The following SEMA3F variants were observed in gnomAD, a reference collection of about 807,000 sequenced individuals.
The protein encoded by SEMA3F is semaphorin 3F.
In SEMA3F, 30 loss-of-function variants were observed where a neutral mutation model predicts 98.5. The ratio of observed to expected loss-of-function variants is 0.30; its 90% CI spans 0.23 to 0.41. SEMA3F has a LOEUF of 0.41. Among genes scored for constraint, SEMA3F ranks in the 10% least tolerant of loss-of-function variants. SEMA3F has a pLI of 1.00. For synonymous variants in SEMA3F, 380 were observed against 444.8 expected (o/e 0.85, Z 1.83); for missense variants, 866 against 1,119.3 (o/e 0.77, Z 3.23).
rs565256754 is a variant in SEMA3F at position 50,159,703 on chromosome 3, G to A, written c.81G>A (p.Pro27=). ...CCTTCCCCACCCAGGACCACCTCCC[G>A]GCCACGCCCCGGGTCCGGCTCTCAT... is the stretch of plus-strand genomic sequence containing the variant. ...WPSFPTQDHL[P]ATPRVRLSFK... The change falls in exon 2 of 19, where the codon CCG becomes CCA. Residue 27 remains proline (P), a synonymous_variant. Transcript: ENST00000002829. 4 of 1,612,466 alleles carry A rather than the reference G, an allele frequency of 2.5e-6. No individual in the cohort carries two copies. The South Asian group carries it at 3.3e-5, about 13-fold the overall frequency.
Position 50,187,770 on chromosome 3 carries a change from C to T in SEMA3F, c.2013C>T (p.Ser671=), listed in dbSNP as rs373344301. The change falls in exon 19 of 19, where the codon AGC becomes AGT. Residue 671 remains serine (S), a synonymous_variant. Coordinates refer to ENST00000002829, the MANE Select transcript of SEMA3F (RefSeq NM_004186.5). The stretch of plus-strand genomic sequence containing the variant: ...TGTTGCTCCGTGCACTGCAGCTCAG[C>T]GATCGTGGCCTCTACTCCTGCACAG... ...QGLLLRALQL[S]DRGLYSCTAT... is the part of the protein sequence containing the mutation. 6.1e-5 allele frequency: 98 copies of T among 1,613,026 alleles called. No homozygotes were observed. The highest frequency in any genetic ancestry group is 8.0e-5 in the Non-Finnish European group (94 of 1,179,834).
At chr3:50,173,698 G>A in intron 2 of SEMA3F, 95 bp from the exon 3 acceptor site, 1 of 1,072,790 alleles carries the variant, frequency 9.3e-7, no homozygotes, top group Non-Finnish European at 1.4e-6. Flanking sequence ...GGGTCCTGAG[G>A]GGAACCTCAG....
chr3:50,159,582 G>C lies in SEMA3F; in HGVS notation c.-41G>C, dbSNP rs1320600924. ...CTTGGTTCCCCTTCCCAGGTTTCTAGAGAGTGGAGCCTGCTTCCTGGGCCC... is the reference window on the plus strand; with the variant it reads ...CTTGGTTCCCCTTCCCAGGTTTCTACAGAGTGGAGCCTGCTTCCTGGGCCC... On this transcript the variant is annotated 5_prime_UTR_variant, in exon 2 of 19. Coordinates refer to ENST00000002829, the MANE Select transcript of SEMA3F (RefSeq NM_004186.5). 7.9e-7 allele frequency: 1 copy of C among 1,265,934 alleles called. No homozygotes were observed. Among genetic ancestry groups the C allele is most frequent in the Admixed American group, 2.1e-5 (1 of 47,704 alleles). The allele number at this position is 1,265,934 out of a possible 1,614,324, so 78.4% of individuals were successfully genotyped here.
chr3:50,175,124 TCAGAGGCCGCGGCAG>T lies in SEMA3F; in HGVS notation c.491_505del (p.Gly164_Arg168del). On this transcript the variant is annotated inframe_deletion, in exon 6 of 19. Transcript: ENST00000002829. Reference sequence around the variant, plus strand: ...ACACCATGGACCCAGACTCAGGCGGTCAGAGGCCGCGGCAGCAGAGCCACGGATGGTGCCCTCCGC... The same window carrying T: ...ACACCATGGACCCAGACTCAGGCGGTCAGAGCCACGGATGGTGCCCTCCGC... 1 of 1,608,736 alleles carries T rather than the reference TCAGAGGCCGCGGCAG, an allele frequency of 6.2e-7. No individual in the cohort carries two copies. The highest frequency in any genetic ancestry group is 8.5e-7 in the Non-Finnish European group (1 of 1,177,940).
chr3:50,183,082 C>A, intron 10 of SEMA3F, 64 bp downstream of exon 10: 3 of 1,569,096 alleles, frequency 1.9e-6, no homozygotes, highest in Non-Finnish European at 2.6e-6. Flanking sequence ...GCGGGATGGG[C>A]GATCAGGGTG....
rs200882622 is a variant in SEMA3F at position 50,186,026 on chromosome 3, C to T, written c.1725C>T (p.Arg575=). The T allele has an allele frequency of 2.5e-6, 4 of 1,613,022 alleles. No individual in the cohort carries two copies. The highest frequency in any genetic ancestry group is 1.3e-5 in the African/African-American group (1 of 74,924). Residue 575 remains arginine, a synonymous_variant, in exon 16 of 19, where the codon CGC becomes CGT. Coordinates refer to ENST00000002829, the MANE Select transcript of SEMA3F (RefSeq NM_004186.5). ...CCTGGGATGGCCAGGCCTGCTCCCGCTATACAGCATCCTCCAAGAGGTGTG... is the reference window on the plus strand; with the variant it reads ...CCTGGGATGGCCAGGCCTGCTCCCGTTATACAGCATCCTCCAAGAGGTGTG... ...YCAWDGQACS[R]YTASSKRRSR...
At position 50,186,365 on chromosome 3, in the gene SEMA3F, T is replaced by A. The variant is rs1699213331; in HGVS notation, c.1813+17T>A. The A allele has an allele frequency of 1.2e-6, 2 of 1,611,384 alleles. No homozygotes were observed. Among genetic ancestry groups the A allele is most frequent in the Non-Finnish European group, 1.7e-6 (2 of 1,178,380 alleles). ...ACTCCAATGGTGAGTATGCTGGGCCTCACTGTGGGGTGCTGCTCACACTGC... is the reference window on the plus strand; with the variant it reads ...ACTCCAATGGTGAGTATGCTGGGCCACACTGTGGGGTGCTGCTCACACTGC... On this transcript the variant is annotated intron_variant, in intron 17 of 18. Transcript: ENST00000002829.
intron 18 of SEMA3F, among the ~76,000 whole-genome samples, chr3:50,187,462 C>T (rs1156809891): frequency 6.7e-6 from 1 of 148,304 alleles, no homozygotes; most frequent in African/African-American, 2.5e-5. Flanking sequence ...TCTGTGTGTG[C>T]TTCAAATTTT....
chr3:50,172,934 C>G (rs1024463539), intron 2 of SEMA3F, among the ~76,000 whole-genome samples: 7 of 152,194 alleles, frequency 4.6e-5, no homozygotes, highest in Admixed American at 6.5e-5. Context: ...CTGGCCCCAC[C>G]CTGAGCGTGG....
rs1465451831 is a variant in SEMA3F, at chr3:50,182,014, C to T, written c.644-270C>T. Among the ~76,000 whole-genome samples the T allele has an allele frequency of 1.3e-5, 2 of 152,218 alleles. No homozygotes were observed. Among genetic ancestry groups the T allele is most frequent in the African/African-American group, 4.8e-5 (2 of 41,458 alleles). On this transcript the variant is annotated intron_variant, in intron 7 of 18. Transcript: ENST00000002829. This position sits in a 1 kb window ranked among gnomAD's most constrained non-coding sequence, Gnocchi z 4.5. ...TGGCAGCTCTTCCTGATTTTGCTTT[C>T]AGTGACCTCAGGTTGGTAGCTTGAA...
At chr3:50,163,428 G>A (rs923696609) in intron 2 of SEMA3F, among the ~76,000 whole-genome samples, 5 of 152,256 alleles carry the variant, frequency 3.3e-5, no homozygotes, top group African/African-American at 9.6e-5. Context: ...CCTGGAGTTT[G>A]AGCCCTCCAG....
Position 50,175,176 on chromosome 3 carries a change from A to G in SEMA3F, c.537A>G (p.Thr179=). 1 of 1,597,916 alleles carries G rather than the reference A, an allele frequency of 6.3e-7. No individual in the cohort carries two copies. Among genetic ancestry groups the G allele is most frequent in the South Asian group, 1.1e-5 (1 of 88,780 alleles). The change falls in exon 6 of 19, where the codon ACA becomes ACG. Residue 179 remains threonine, a synonymous_variant. Transcript: ENST00000002829. ...ATGGTGCCCTCCGCCCGATGCCCAC[A>G]GCCCCACGCCAGGTGGGCCTCATCC... ...ATDGALRPMP[T]APRQDYIFYL...
intron 7 of SEMA3F, among the ~76,000 whole-genome samples, chr3:50,181,795 AT>A (rs998455455): frequency 2.4e-4 from 37 of 151,254 alleles, no homozygotes; most frequent in Non-Finnish European, 8.8e-5. Context: ...AAATTTCTGT[AT>A]TTTAGTATAG....
Position 50,155,511 on chromosome 3 carries a change from C to G in SEMA3F, c.-102C>G, listed in dbSNP as rs1459219906. The G allele has an allele frequency of 6.2e-6, 2 of 321,982 alleles. No individual in the cohort carries two copies. Among genetic ancestry groups the G allele is most frequent in the Non-Finnish European group, 1.1e-5 (2 of 177,078 alleles). The allele number at this position is 321,982 out of a possible 1,614,324, so 19.9% of individuals were successfully genotyped here. On this transcript the variant is annotated 5_prime_UTR_variant, in exon 1 of 19. Coordinates refer to ENST00000002829, the MANE Select transcript of SEMA3F (RefSeq NM_004186.5). This position sits in a 1 kb window ranked among gnomAD's most constrained non-coding sequence, Gnocchi z 4.9. ...TAGCGCGGACCGGCCCAACGGGAGCCGCTCCGTGCCGCCGCCGCCGCCCGG... is the reference window on the plus strand; with the variant it reads ...TAGCGCGGACCGGCCCAACGGGAGCGGCTCCGTGCCGCCGCCGCCGCCCGG...
rs1699281627 is a variant in SEMA3F at position 50,187,812 on chromosome 3, T to C, written c.2055T>C (p.Phe685=). The C allele has an allele frequency of 6.2e-7, 1 of 1,613,478 alleles. No individual in the cohort carries two copies. The highest frequency in any genetic ancestry group is 1.3e-5 in the African/African-American group (1 of 74,934). Residue 685 remains phenylalanine, a synonymous_variant, in exon 19 of 19, where the codon TTT becomes TTC. Coordinates refer to ENST00000002829, the MANE Select transcript of SEMA3F (RefSeq NM_004186.5). ...CCTGCACAGCCACTGAGAACAACTTTAAGCACGTCGTCACACGAGTGCAGC... is the reference window on the plus strand; with the variant it reads ...CCTGCACAGCCACTGAGAACAACTTCAAGCACGTCGTCACACGAGTGCAGC... ...LYSCTATENN[F]KHVVTRVQLH...
rs1575399406 is a variant in SEMA3F at position 50,178,320 on chromosome 3, A to C, written c.643+1459A>C. Reference sequence around the variant, plus strand: ...ATGTTGTGTTAGCAGGCATGAAAACAACATTTGTCTCCTTGCACACCTCCA... The same window carrying C: ...ATGTTGTGTTAGCAGGCATGAAAACCACATTTGTCTCCTTGCACACCTCCA... On this transcript the variant is annotated intron_variant, in intron 7 of 18. Transcript: ENST00000002829. Among the ~76,000 whole-genome samples the C allele has an allele frequency of 3.3e-5, 5 of 152,306 alleles. No individual in the cohort carries two copies. In the South Asian group the frequency reaches 1.0e-3, roughly 32 times the overall value.
chr3:50,185,100 C>T (rs1471174964), intron 13 of SEMA3F, among the ~76,000 whole-genome samples: 4 of 152,170 alleles, frequency 2.6e-5, no homozygotes, highest in African/African-American at 7.2e-5. Context: ...ATGGTAGGCA[C>T]CTCCAGGATA....
At chr3:50,183,106 C>T (rs966386930) in intron 10 of SEMA3F, 80 bp from the exon 11 acceptor site, 11 of 1,572,254 alleles carry the variant, frequency 7.0e-6, no homozygotes, top group Non-Finnish European at 8.7e-6. Flanking sequence ...TTGGTGGGCC[C>T]CCTCCCCTGT....
rs374347656 is a variant in SEMA3F at position 50,184,577 on chromosome 3, G to A, written c.1234-15G>A. On this transcript the variant is annotated splice_polypyrimidine_tract_variant and intron_variant, in intron 12 of 18. Transcript: ENST00000002829. ...CCCAGGCAGCCTGGGACTGACACTC[G>A]CCACCTGTCCACAGTGCCCTGGTGG... 3.2e-5 allele frequency: 52 copies of A among 1,603,866 alleles called. No individual in the cohort carries two copies. Among genetic ancestry groups the A allele is most frequent in the South Asian group, 1.3e-4 (12 of 90,818 alleles).
Sources: gnomAD v4.1 joint callset for allele counts (sites outside exome capture counted in the v4.1 genomes callset) on GRCh38, gnomAD v4.1.1 for gene constraint, Gnocchi (gnomAD v3.1) non-coding constraint, MANE v1.5 for transcripts, NCBI Gene and HGNC (gene_info 2026-07-23, HGNC 2026-07-21) for gene names.